The following PAX5 variants were observed in gnomAD, a reference collection of about 807,000 sequenced individuals.
PAX5 encodes paired box protein Pax-5.
A neutral mutation model predicts 43.7 loss-of-function variants in PAX5; 9 were observed. The ratio of observed to expected loss-of-function variants is 0.21; its 90% CI spans 0.12 to 0.36. PAX5 has a LOEUF of 0.36. Ranked by LOEUF, PAX5 falls within the 10% of genes least tolerant of loss-of-function variation. The pLI is 1.00. For synonymous variants in PAX5, 228 were observed against 214.3 expected (o/e 1.06, Z -0.56); for missense variants, 383 against 532.7 (o/e 0.72, Z 2.77).
chr9:36,872,428 C>T (rs1322627856), intron 8 of PAX5, among the ~76,000 whole-genome samples: 1 of 152,136 alleles, frequency 6.6e-6, no homozygotes, highest in Non-Finnish European at 1.5e-5. Flanking sequence ...GAGCAGAAAA[C>T]CCCCTGGGGT....
intron 8 of PAX5, among the ~76,000 whole-genome samples, chr9:36,867,514 A>G (rs971872835): frequency 2.0e-5 from 3 of 152,226 alleles, no homozygotes; most frequent in African/African-American, 4.8e-5. Context: ...AAAGGGGCAC[A>G]TGAATAGCAA....
intron 3 of PAX5, among the ~76,000 whole-genome samples, chr9:37,011,712 C>T (rs1011321002): frequency 6.6e-6 from 1 of 152,120 alleles, no homozygotes; most frequent in Non-Finnish European, 1.5e-5. Context: ...TCATGGTTTC[C>T]TAGGCTGGTC....
intron 1 of PAX5, among the ~76,000 whole-genome samples, chr9:37,025,944 T>C (rs1324657944): frequency 6.6e-6 from 1 of 152,354 alleles, no homozygotes; most frequent in African/African-American, 2.4e-5. Flanking sequence ...GGCCGGCTCC[T>C]AAGCAGAAGC....
chr9:36,924,733 G>GGGGAAGGA (rs1563973132), intron 6 of PAX5, among the ~76,000 whole-genome samples: 3 of 11,250 alleles, frequency 2.7e-4, no homozygotes, highest in Admixed American at 1.5e-3. Flanking sequence ...AAAGAAAGAG[G>GGGGAAGGA]TGGAAGGAAG....
At chr9:36,996,577 C>G (rs556531646) in intron 5 of PAX5, among the ~76,000 whole-genome samples, 1 of 152,348 alleles carries the variant, frequency 6.6e-6, no homozygotes, top group African/African-American at 2.4e-5. Flanking sequence ...GGGCTCTCCC[C>G]ACTTCCTGCT....
At position 36,887,301 on chromosome 9, in the gene PAX5, C is replaced by A. The variant is rs370892567; in HGVS notation, c.911-5196G>T. Among the ~76,000 whole-genome samples, 7 of 152,190 alleles carry A rather than the reference C, an allele frequency of 4.6e-5. No individual in the cohort carries two copies. In the South Asian group the frequency reaches 1.0e-3, roughly 23 times the overall value. ...AATTTAAACAAAGGCTCAAAAGATC[C>A]AATCCATATTGGATTATGGACCCAA... On this transcript the variant is annotated intron_variant, in intron 7 of 9. Coordinates refer to ENST00000358127, the MANE Select transcript of PAX5 (RefSeq NM_016734.3).
At chr9:36,916,032 C>T (rs1829705458) in intron 7 of PAX5, among the ~76,000 whole-genome samples, 1 of 148,942 alleles carries the variant, frequency 6.7e-6, no homozygotes, top group Non-Finnish European at 1.5e-5. Flanking sequence ...CCACTGCACT[C>T]CAGCCTGGAC....
intron 5 of PAX5, among the ~76,000 whole-genome samples, chr9:36,981,818 G>A (rs370815103): frequency 2.6e-5 from 4 of 152,250 alleles, no homozygotes; most frequent in African/African-American, 9.6e-5. Context: ...CTGTGCAATG[G>A]GGTCAATAAA....
At chr9:36,980,934 C>T (rs923948002) in intron 5 of PAX5, among the ~76,000 whole-genome samples, 2 of 151,952 alleles carry the variant, frequency 1.3e-5, no homozygotes, top group Non-Finnish European at 2.9e-5. Context: ...AACTGGGTAC[C>T]CCCCCAGCAA....
chr9:36,872,559 C>A (rs1487823211), intron 8 of PAX5, among the ~76,000 whole-genome samples: 1 of 152,150 alleles, frequency 6.6e-6, no homozygotes, highest in Non-Finnish European at 1.5e-5. Context: ...CCTAGGTCTC[C>A]TAAATTCAAG....
chr9:36,896,565 G>A (rs1373728504), intron 7 of PAX5, among the ~76,000 whole-genome samples: 1 of 152,184 alleles, frequency 6.6e-6, no homozygotes, highest in African/African-American at 2.4e-5. Flanking sequence ...CAAAGTGCCA[G>A]CCCATCCCTC....
intron 3 of PAX5, among the ~76,000 whole-genome samples, chr9:37,010,370 A>G (rs960909785): frequency 2.0e-5 from 3 of 152,228 alleles, no homozygotes; most frequent in African/African-American, 4.8e-5. Context: ...TGACTTGCCC[A>G]GAATTGCACA....
At chr9:36,888,758 G>A (rs1158837427) in intron 7 of PAX5, among the ~76,000 whole-genome samples, 1 of 152,238 alleles carries the variant, frequency 6.6e-6, no homozygotes, top group African/African-American at 2.4e-5. Flanking sequence ...CCTGACCCCA[G>A]GGAGGAGACC....
intron 7 of PAX5, among the ~76,000 whole-genome samples, chr9:36,898,857 AC>A (rs1241385457): frequency 6.6e-6 from 1 of 150,996 alleles, no homozygotes; most frequent in Non-Finnish European, 1.5e-5. Flanking sequence ...TCCCACTAAC[AC>A]CCCTGGGGCA....
At chr9:36,998,759 G>A (rs776024083) in intron 5 of PAX5, among the ~76,000 whole-genome samples, 2 of 152,086 alleles carry the variant, frequency 1.3e-5, no homozygotes, top group African/African-American at 4.8e-5. Context: ...CAAACGTTTC[G>A]CATCCAAATT....
chr9:37,015,043 G>A lies in PAX5; in HGVS notation c.364C>T (p.Arg122Trp), dbSNP rs756345939. 11 of 1,614,122 alleles carry A rather than the reference G, an allele frequency of 6.8e-6. No homozygotes were observed. The highest frequency in any genetic ancestry group is 9.3e-6 in the Non-Finnish European group (11 of 1,180,020). The part of the protein sequence containing the change: ...WEIRDRLLAE[R>W]VCDNDTVPSV... ...GGCACGGTGTCATTGTCACACACCC[G>A]CTCTGCCAGCAGCCGGTCCCTGATC... Residue 122 changes from arginine to tryptophan, a missense_variant, in exon 3 of 10, where the codon CGG becomes TGG. Arg to Trp is a moderately radical substitution (Grantham distance 101). This residue lies in a region of PAX5 where 33 missense variants were observed against 70.6 expected (regional missense o/e 0.47). Transcript: ENST00000358127. The surrounding 1 kb of genome is among the most constrained non-coding windows in gnomAD (Gnocchi z 4.4).
chr9:36,839,257 T>G lies in PAX5; in HGVS notation c.*1303A>C, dbSNP rs550063076. On this transcript the variant is annotated 3_prime_UTR_variant, in exon 10 of 10. Coordinates refer to ENST00000358127, the MANE Select transcript of PAX5 (RefSeq NM_016734.3). Reference sequence around the variant, plus strand: ...CTGACCACCCTAGCCCACAGTGAGTTCTCCAAGCTCCCTCTCCAAGTTCCC... The same window carrying G: ...CTGACCACCCTAGCCCACAGTGAGTGCTCCAAGCTCCCTCTCCAAGTTCCC... The G allele has an allele frequency of 4.3e-6, 1 of 233,504 alleles. No homozygotes were observed. Among genetic ancestry groups the G allele is most frequent in the Non-Finnish European group, 8.5e-6 (1 of 118,182 alleles). 14.5% of individuals were successfully genotyped at this position (233,504 alleles called of 1,614,324 possible).
In PAX5 at chr9:37,003,950, A is replaced by G. The variant is rs574971554; in HGVS notation, c.476-1174T>C. Among the ~76,000 whole-genome samples the G allele has an allele frequency of 2.0e-5, 3 of 152,406 alleles. No individual in the cohort carries two copies. The East Asian group carries it at 5.8e-4, about 29-fold the overall frequency. On this transcript the variant is annotated intron_variant, in intron 4 of 9. Transcript: ENST00000358127. ...CTAATAAACAATGAAGAGCAATAAT[A>G]TACTTCACATGAATGCAGTACTTTT... is the stretch of plus-strand genomic sequence containing the variant.
At chr9:36,995,556 A>C (rs955663275) in intron 5 of PAX5, among the ~76,000 whole-genome samples, 1 of 152,186 alleles carries the variant, frequency 6.6e-6, no homozygotes, top group East Asian at 1.9e-4. Context: ...CCCTGTGAGA[A>C]TGGAGGAAAG....
Sources: gnomAD v4.1 joint callset for allele counts (sites outside exome capture counted in the v4.1 genomes callset) on GRCh38, gnomAD v4.1.1 for gene constraint, gnomAD v4.1.1 regional missense constraint, Gnocchi (gnomAD v3.1) non-coding constraint, MANE v1.5 for transcripts, NCBI Gene and HGNC (gene_info 2026-07-23, HGNC 2026-07-21) for gene names.